The following USP10 variants were observed in gnomAD, a reference collection of about 807,000 sequenced individuals.
The protein encoded by USP10 is ubiquitin specific peptidase 10, also known as ubiquitin carboxyl-terminal hydrolase 10.
In USP10, 22 loss-of-function variants were observed where a neutral mutation model predicts 84.5. The ratio of observed to expected loss-of-function variants is 0.26; its 90% CI spans 0.19 to 0.37. The LOEUF (loss-of-function observed/expected upper bound fraction) is 0.37. Among genes scored for constraint, USP10 ranks in the 10% least tolerant of loss-of-function variants. The probability of loss-of-function intolerance (pLI) is 1.00; values close to 1 mark genes in which losing one functional copy is unlikely to be tolerated. For missense variants in USP10, 1,019 were observed against 998.9 expected, an observed-to-expected ratio of 1.02 and a Z score of -0.27; for synonymous variants, 454 against 387.6, an observed-to-expected ratio of 1.17 and a Z score of -2.01.
At chr16:84,765,151 A>G (rs1011606668) in intron 10 of USP10, among the ~76,000 whole-genome samples, 5 of 151,962 alleles carry the variant, frequency 3.3e-5, no homozygotes, top group African/African-American at 1.2e-4. Flanking sequence ...TATTTATGTT[A>G]ATAAATTGTG....
At chr16:84,758,641 A>G (rs1912856835) in intron 4 of USP10, 75 bp from the exon 5 acceptor site, 3 of 1,035,938 alleles carry the variant, frequency 2.9e-6, no homozygotes, top group African/African-American at 1.6e-5. Context: ...GTCCCAGAGT[A>G]GAGCATGTGA....
intron 4 of USP10, among the ~76,000 whole-genome samples, chr16:84,753,473 G>A (rs1026277297): frequency 1.2e-4 from 18 of 152,164 alleles, no homozygotes; most frequent in African/African-American, 4.3e-4. Flanking sequence ...TGGCCGTCAT[G>A]CCGGGAGTGG....
chr16:84,759,346 T>A lies in USP10; in HGVS notation c.1285-17T>A. 1 of 1,611,860 alleles carries A rather than the reference T, an allele frequency of 6.2e-7. No individual in the cohort carries two copies. Among genetic ancestry groups the A allele is most frequent in the Admixed American group, 1.7e-5 (1 of 60,002 alleles). ...GTCTGTTCATTTCCTTTACGCTTCC[T>A]TACTGCCACTACATAGACACTGCAG... On this transcript the variant is annotated splice_polypyrimidine_tract_variant and intron_variant, in intron 5 of 13. Transcript: ENST00000219473.
At chr16:84,731,427 C>T (rs968619252) in intron 1 of USP10, among the ~76,000 whole-genome samples, 23 of 152,110 alleles carry the variant, frequency 1.5e-4, no homozygotes, top group African/African-American at 5.6e-4. Flanking sequence ...TTAAACTTCA[C>T]AGCTGCCGTG....
chr16:84,766,453 G>A (rs541080539), intron 10 of USP10, among the ~76,000 whole-genome samples: 2 of 152,354 alleles, frequency 1.3e-5, no homozygotes, highest in East Asian at 1.9e-4. Flanking sequence ...AGGTTGGCGC[G>A]CAGCAGCGAG....
chr16:84,766,652 T>A (rs979962366), intron 10 of USP10, among the ~76,000 whole-genome samples: 2 of 152,178 alleles, frequency 1.3e-5, no homozygotes, highest in African/African-American at 4.8e-5. Context: ...GATCCCAAAT[T>A]TGTCTAAGAG....
At chr16:84,764,948 A>ATATATATG (rs1469456285) in intron 10 of USP10, among the ~76,000 whole-genome samples, 1 of 147,830 alleles carries the variant, frequency 6.8e-6, no homozygotes, top group Non-Finnish European at 1.5e-5. Flanking sequence ...AAATATATAT[A>ATATATATG]TATATATTAG....
chr16:84,772,963 A>T (rs1475209903), intron 12 of USP10, among the ~76,000 whole-genome samples: 1 of 152,202 alleles, frequency 6.6e-6, no homozygotes, highest in Non-Finnish European at 1.5e-5. Flanking sequence ...CTTTTCTGTG[A>T]ATATTTCAGG....
rs189854743 is a variant in USP10, at chr16:84,711,271, A to G, written c.21+11160A>G. Among the ~76,000 whole-genome samples, 742 of 152,280 alleles carry G rather than the reference A, an allele frequency of 4.9e-3. 8 individuals are homozygous for G. Among genetic ancestry groups the G allele is most frequent in the African/African-American group, 0.017 (714 of 41,550 alleles). ...CATGTTTTTAAAAATGTAAGTACAC[A>G]TGTGTTCCCCAGAACCTTAAGAGCT... On this transcript the variant is annotated intron_variant, in intron 1 of 13. Transcript: ENST00000219473.
intron 12 of USP10, 21 bp from the exon 13 acceptor site, chr16:84,775,139 C>T (rs1914863640): frequency 6.2e-7 from 1 of 1,612,146 alleles, no homozygotes. Flanking sequence ...TGCTTCAAGC[C>T]ATTGATATTT....
At position 84,759,332 on chromosome 16, in the gene USP10, T is replaced by A. The variant is rs545882856; in HGVS notation, c.1285-31T>A. 1.0e-4 allele frequency: 167 copies of A among 1,599,394 alleles called. No homozygotes were observed. The South Asian group carries it at 1.8e-3, about 17-fold the overall frequency. ...AGGAAATGTGGTGTGTCTGTTCATT[T>A]CCTTTACGCTTCCTTACTGCCACTA... is the stretch of plus-strand genomic sequence containing the variant. On this transcript the variant is annotated intron_variant, in intron 5 of 13. Coordinates refer to ENST00000219473, the MANE Select transcript of USP10 (RefSeq NM_005153.3).
At chr16:84,704,651 A>T (rs1429435412) in intron 1 of USP10, 4 of 1,424,694 alleles carry the variant, frequency 2.8e-6, no homozygotes, top group Non-Finnish European at 3.7e-6. Flanking sequence ...TTCAAGGATC[A>T]GAAAATGTAG....
chr16:84,719,664 T>C (rs1312454408), intron 1 of USP10, among the ~76,000 whole-genome samples: 1 of 152,212 alleles, frequency 6.6e-6, no homozygotes, highest in African/African-American at 2.4e-5. Context: ...GTGGAAAACA[T>C]CTCTTCTAGT....
intron 1 of USP10, among the ~76,000 whole-genome samples, chr16:84,709,922 A>T (rs1376063018): frequency 6.6e-6 from 1 of 152,070 alleles, no homozygotes; most frequent in Non-Finnish European, 1.5e-5. Flanking sequence ...AGAGAGAAAG[A>T]ATTTGGTAAT....
intron 4 of USP10, among the ~76,000 whole-genome samples, chr16:84,755,430 C>A (rs572901455): frequency 6.6e-6 from 1 of 152,074 alleles, no homozygotes; most frequent in South Asian, 2.1e-4. Flanking sequence ...CCTGCACTTG[C>A]TGTCTTCACT....
intron 2 of USP10, among the ~76,000 whole-genome samples, chr16:84,735,693 G>A (rs777148356): frequency 1.3e-5 from 2 of 152,170 alleles, no homozygotes; most frequent in African/African-American, 2.4e-5. Flanking sequence ...CACAGAAGAC[G>A]TGACTGTGTC....
intron 1 of USP10, chr16:84,704,931 T>C (rs1905282271): frequency 3.9e-6 from 6 of 1,533,106 alleles, no homozygotes; most frequent in South Asian, 1.2e-5. Context: ...CCTTTTGGGC[T>C]CACATGAGAA....
intron 10 of USP10, among the ~76,000 whole-genome samples, chr16:84,765,328 C>T (rs1382412825): frequency 6.6e-6 from 1 of 151,780 alleles, no homozygotes; most frequent in African/African-American, 2.4e-5. Flanking sequence ...AAATACAGTG[C>T]ACTATGAGTA....
In USP10 at chr16:84,759,484, G is replaced by A; in HGVS notation, c.1394+12G>A. On this transcript the variant is annotated intron_variant, in intron 6 of 13. Coordinates refer to ENST00000219473, the MANE Select transcript of USP10 (RefSeq NM_005153.3). Reference sequence around the variant, plus strand: ...ATGATAGACAGCTTGTAAGTAAGGTGGTGAAAGATGTGTTAAGTGGTGGGG... The same window carrying A: ...ATGATAGACAGCTTGTAAGTAAGGTAGTGAAAGATGTGTTAAGTGGTGGGG... The A allele has an allele frequency of 6.2e-7, 1 of 1,609,598 alleles. No individual in the cohort carries two copies. The highest frequency in any genetic ancestry group is 8.5e-7 in the Non-Finnish European group (1 of 1,175,912).
Sources: gnomAD v4.1 joint callset for allele counts (sites outside exome capture counted in the v4.1 genomes callset) on GRCh38, gnomAD v4.1.1 for gene constraint, MANE v1.5 for transcripts, NCBI Gene and HGNC (gene_info 2026-07-23, HGNC 2026-07-21) for gene names.